The following EPHB1 variants were observed in gnomAD, a reference collection of about 807,000 sequenced individuals.
EPHB1 encodes ephrin type-B receptor 1.
Under a neutral mutation model 94.4 loss-of-function variants are expected in EPHB1, and 30 were observed. That is an observed-to-expected ratio of 0.32 (90% confidence interval 0.24 to 0.43). EPHB1 has a LOEUF of 0.43. Ranked by LOEUF, EPHB1 falls within the 20% of genes least tolerant of loss-of-function variation. The probability of loss-of-function intolerance (pLI) is 1.00; values close to 1 mark genes in which losing one functional copy is unlikely to be tolerated. For missense variants in EPHB1, 1,055 were observed against 1,308.3 expected, an observed-to-expected ratio of 0.81 and a Z score of 2.99; for synonymous variants, 522 against 489.1, an observed-to-expected ratio of 1.07 and a Z score of -0.89.
chr3:135,173,169 G>T (rs1941860032), intron 9 of EPHB1, among the ~76,000 whole-genome samples: 2 of 150,634 alleles, frequency 1.3e-5, no homozygotes, highest in Non-Finnish European at 3.0e-5. Flanking sequence ...CAAGTAGCTG[G>T]GACTACAGGC....
chr3:134,802,700 C>A (rs1051656586), intron 1 of EPHB1, among the ~76,000 whole-genome samples: 13 of 152,186 alleles, frequency 8.5e-5, no homozygotes, highest in Admixed American at 6.5e-5. Flanking sequence ...CTGCCAGATG[C>A]CTCTCACTGT....
chr3:135,164,402 C>G (rs1941593032), intron 7 of EPHB1, among the ~76,000 whole-genome samples: 1 of 152,108 alleles, frequency 6.6e-6, no homozygotes, highest in Non-Finnish European at 1.5e-5. Flanking sequence ...ATGCAGATAC[C>G]CTGCTCTTCA....
intron 3 of EPHB1, among the ~76,000 whole-genome samples, chr3:135,011,912 G>A (rs1217754907): frequency 1.3e-5 from 2 of 152,280 alleles, no homozygotes; most frequent in Middle Eastern, 3.4e-3. Context: ...GTTTTGAAGG[G>A]TGTCAAGAGA....
rs567053060 is a variant in EPHB1, at chr3:135,206,868, T to A, written c.2346+5179T>A. 2.2e-4 allele frequency among the ~76,000 whole-genome samples: 33 copies of A among 152,196 alleles called. No individual in the cohort carries two copies. The South Asian group carries it at 6.8e-3, about 32-fold the overall frequency. ...CCATCTCAAAAAAAAAGTGTCTTAC[T>A]GTCTGGGTAAAGCAAGTTATCCTTC... On this transcript the variant is annotated intron_variant, in intron 12 of 15. Transcript: ENST00000398015.
rs116448022 is a variant in EPHB1, at chr3:134,911,355, G to T, written c.59-14461G>T. 7.8e-3 allele frequency among the ~76,000 whole-genome samples: 1,063 copies of T among 136,002 alleles called. 10 individuals carry two copies. Among genetic ancestry groups the T allele is most frequent in the South Asian group, 0.012 (46 of 3,786 alleles). The allele number at this position is 136,002 out of a possible 152,430, so 89.2% of individuals were successfully genotyped here. ...AGTTGGGCTAGGGCTGTTTGTGCAA[G>T]GTGGGCTACATCTTCCGGGGAGGAG... On this transcript the variant is annotated intron_variant, in intron 1 of 15. Transcript: ENST00000398015.
At chr3:134,866,831 C>T (rs1273596980) in intron 1 of EPHB1, among the ~76,000 whole-genome samples, 1 of 152,222 alleles carries the variant, frequency 6.6e-6, no homozygotes, top group Non-Finnish European at 1.5e-5. Context: ...TGGGCCTAGC[C>T]CCGTTCCTTC....
At chr3:135,058,702 C>T (rs143228027) in intron 3 of EPHB1, among the ~76,000 whole-genome samples, 1 of 152,358 alleles carries the variant, frequency 6.6e-6, no homozygotes, top group East Asian at 1.9e-4. Flanking sequence ...CTGTTCCCTG[C>T]AGTACAGCTG....
intron 3 of EPHB1, among the ~76,000 whole-genome samples, chr3:135,055,573 G>A (rs1046085625): frequency 6.6e-5 from 10 of 152,164 alleles, no homozygotes; most frequent in African/African-American, 2.2e-4. Context: ...CCTGACACAC[G>A]TCACCACTCA....
intron 5 of EPHB1, among the ~76,000 whole-genome samples, chr3:135,135,909 C>G (rs1940603796): frequency 6.6e-6 from 1 of 152,170 alleles, no homozygotes. Flanking sequence ...TAGTTAACAC[C>G]TCATGTTTGT....
intron 1 of EPHB1, among the ~76,000 whole-genome samples, chr3:134,887,017 G>T (rs1478586092): frequency 2.0e-5 from 3 of 152,322 alleles, no homozygotes; most frequent in African/African-American, 7.2e-5. Context: ...TGGGGCAGTG[G>T]TTCTCCATTG....
intron 1 of EPHB1, among the ~76,000 whole-genome samples, chr3:134,849,693 G>C (rs949637862): frequency 6.6e-6 from 1 of 152,210 alleles, no homozygotes; most frequent in Non-Finnish European, 1.5e-5. Flanking sequence ...CATGGGTTCT[G>C]TCCCTGGATC....
rs529294818 is a variant in EPHB1, at chr3:134,832,847, A to G, written c.58+37158A>G. 1.2e-3 allele frequency among the ~76,000 whole-genome samples: 180 copies of G among 152,326 alleles called. 1 individual carries two copies. Among genetic ancestry groups the G allele is most frequent in the Middle Eastern group, 3.4e-3 (1 of 294 alleles). On this transcript the variant is annotated intron_variant, in intron 1 of 15. Coordinates refer to ENST00000398015, the MANE Select transcript of EPHB1 (RefSeq NM_004441.5). Reference sequence around the variant, plus strand: ...TGTCATAATCAGAGAACCACAAATAATTGAAAAGGAGACAACTTTCTAACG... The same window carrying G: ...TGTCATAATCAGAGAACCACAAATAGTTGAAAAGGAGACAACTTTCTAACG...
At chr3:134,925,333 A>T (rs2038767828) in intron 1 of EPHB1, among the ~76,000 whole-genome samples, 2 of 152,202 alleles carry the variant, frequency 1.3e-5, no homozygotes, top group Admixed American at 1.3e-4. Context: ...GAATGTGTGG[A>T]GAGGAAGGAG....
intron 1 of EPHB1, among the ~76,000 whole-genome samples, chr3:134,848,909 T>C (rs1439961000): frequency 6.6e-6 from 1 of 152,256 alleles, no homozygotes; most frequent in East Asian, 1.9e-4. Flanking sequence ...CAGGGGCCTC[T>C]ATTTTTCAAT....
chr3:134,813,343 T>C (rs1037559332), intron 1 of EPHB1, among the ~76,000 whole-genome samples: 1 of 152,320 alleles, frequency 6.6e-6, no homozygotes, highest in East Asian at 1.9e-4. Context: ...CTGCCTCTAC[T>C]TGGCATTGCA....
At chr3:135,191,917 G>A (rs1012304939) in intron 10 of EPHB1, among the ~76,000 whole-genome samples, 57 of 152,206 alleles carry the variant, frequency 3.7e-4, no homozygotes, top group African/African-American at 1.2e-3. Context: ...TGAGGGCTGG[G>A]CTGCTTTTGC....
At chr3:134,897,039 G>A (rs1342934150) in intron 1 of EPHB1, among the ~76,000 whole-genome samples, 1 of 152,226 alleles carries the variant, frequency 6.6e-6, no homozygotes, top group Non-Finnish European at 1.5e-5. Flanking sequence ...CTGATACTTG[G>A]AGGGTTTTTC....
chr3:135,098,733 C>T (rs528004351), intron 3 of EPHB1, among the ~76,000 whole-genome samples: 11 of 151,886 alleles, frequency 7.2e-5, no homozygotes, highest in Non-Finnish European at 1.5e-4. Context: ...ACACTTTGAC[C>T]GAGCATGTTG....
chr3:135,029,811 C>G (rs149495002), intron 3 of EPHB1, among the ~76,000 whole-genome samples: 2,082 of 152,214 alleles, frequency 0.014, 51 homozygotes, highest in African/African-American at 0.047. Flanking sequence ...TAATATCCTG[C>G]AGAGTGTTTT....
Sources: allele counts gnomAD v4.1 joint callset (sites outside exome capture counted in the v4.1 genomes callset), GRCh38; gene constraint gnomAD v4.1.1; transcripts MANE v1.5; gene names NCBI Gene and HGNC (gene_info 2026-07-23, HGNC 2026-07-21).